The following OTUD4 variants were observed in gnomAD, a reference collection of about 807,000 sequenced individuals.
OTUD4 encodes OTU domain-containing protein 4.
Under a neutral mutation model 130.4 loss-of-function variants are expected in OTUD4, and 24 were observed. The observed-to-expected ratio is 0.18, with a 90% CI of 0.13 to 0.26. The LOEUF (loss-of-function observed/expected upper bound fraction) is 0.26, where lower values mean the gene tolerates loss of function less well. Among genes scored for constraint, OTUD4 ranks in the 10% least tolerant of loss-of-function variants. OTUD4 has a pLI of 1.00. For synonymous variants in OTUD4, 420 were observed against 472.5 expected, an observed-to-expected ratio of 0.89 and a Z score of 1.44; for missense variants, 1,031 against 1,329.4, an observed-to-expected ratio of 0.78 and a Z score of 3.49.
Position 145,141,363 on chromosome 4 carries a change from T to TG in OTUD4, c.2083+15dup. 1.9e-6 allele frequency: 3 copies of TG among 1,564,716 alleles called. No individual in the cohort carries two copies. Among genetic ancestry groups the TG allele is most frequent in the Non-Finnish European group, 2.6e-6 (3 of 1,156,018 alleles). On this transcript the variant is annotated intron_variant, in intron 19 of 20. Transcript: ENST00000447906. ...GGACTTGATAAAGTCGATTTGAACT[T>TG]GGAGAAGGAGCTCACCTTTAGGTAG...
rs747370643 is a variant in OTUD4 at position 145,179,998 on chromosome 4, G to A, written c.-25C>T. Reference sequence around the variant, plus strand: ...TGTTGCTGGTCCTGCTGCAGGCCAGGCGCGGCGAGGGCTAGCCCCACATGG... The same window carrying A: ...TGTTGCTGGTCCTGCTGCAGGCCAGACGCGGCGAGGGCTAGCCCCACATGG... On this transcript the variant is annotated 5_prime_UTR_variant, in exon 1 of 21. Transcript: ENST00000447906. 131 of 1,466,362 alleles carry A rather than the reference G, an allele frequency of 8.9e-5. No individual in the cohort carries two copies. The highest frequency in any genetic ancestry group is 3.8e-4 in the South Asian group (29 of 75,750). 90.8% of individuals were successfully genotyped at this position (1,466,362 alleles called of 1,614,324 possible).
At position 145,174,646 on chromosome 4, in the gene OTUD4, G is replaced by C. The variant is rs374606652; in HGVS notation, c.243+15C>G. On this transcript the variant is annotated intron_variant, in intron 2 of 20. Transcript: ENST00000447906. ...CAAGTCAAGACACCATTACATGTTT[G>C]AAATTACAAGTTACCGCTTCAAATT... is the stretch of plus-strand genomic sequence containing the variant. 1.4e-6 allele frequency: 2 copies of C among 1,470,256 alleles called. No homozygotes were observed. The highest frequency in any genetic ancestry group is 1.9e-6 in the Non-Finnish European group (2 of 1,049,718). The allele number at this position is 1,470,256 out of a possible 1,614,324, so 91.1% of individuals were successfully genotyped here. A position where few individuals can be genotyped will look rare whatever the true frequency, so the allele number is the denominator to read the frequency against.
intron 13 of OTUD4, among the ~76,000 whole-genome samples, chr4:145,146,710 A>G (rs547403652): frequency 1.6e-4 from 25 of 152,148 alleles, no homozygotes; most frequent in African/African-American, 6.0e-4. Context: ...AGAGGGGAAA[A>G]GAAAAAAAAA....
chr4:145,176,710 G>GT (rs1752446801), intron 1 of OTUD4, among the ~76,000 whole-genome samples: 1 of 151,656 alleles, frequency 6.6e-6, no homozygotes, highest in South Asian at 2.1e-4. Context: ...AAAAAAAAAA[G>GT]TTACAGATCC....
rs1233238482 is a variant in OTUD4, at chr4:145,137,237, G to A, written c.*193C>T. The A allele has an allele frequency of 1.7e-5, 8 of 463,798 alleles. No homozygotes were observed. The highest frequency in any genetic ancestry group is 4.0e-5 in the African/African-American group (2 of 50,542). The allele number at this position is 463,798 out of a possible 1,614,324, so 28.7% of individuals were successfully genotyped here. ...AAACAGATTCTGAATGAAGAAAACT[G>A]GCAATGCCAGGAATTAACCTGCCCC... is the stretch of plus-strand genomic sequence containing the variant. On this transcript the variant is annotated 3_prime_UTR_variant, in exon 21 of 21. Coordinates refer to ENST00000447906, the MANE Select transcript of OTUD4 (RefSeq NM_001366057.1).
chr4:145,144,829 T>G (rs962220828), intron 14 of OTUD4, among the ~76,000 whole-genome samples: 1 of 152,160 alleles, frequency 6.6e-6, no homozygotes, highest in African/African-American at 2.4e-5. Flanking sequence ...AGAACCTAAG[T>G]GCAAATTAGC....
At chr4:145,161,664 T>A (rs1407655493) in intron 6 of OTUD4, among the ~76,000 whole-genome samples, 3 of 152,152 alleles carry the variant, frequency 2.0e-5, no homozygotes, top group Non-Finnish European at 2.9e-5. Flanking sequence ...AGAGAGAGTG[T>A]GTTACTGCCA....
intron 11 of OTUD4, 92 bp downstream of exon 11, chr4:145,152,449 G>A: frequency 2.8e-6 from 2 of 709,770 alleles, no homozygotes; most frequent in South Asian, 3.6e-5. Flanking sequence ...ATCTTTCATT[G>A]AATTTGCAAA....
chr4:145,170,164 G>A (rs1355649820), intron 3 of OTUD4, among the ~76,000 whole-genome samples: 1 of 152,232 alleles, frequency 6.6e-6, no homozygotes, highest in African/African-American at 2.4e-5. Flanking sequence ...TGGAATAGGG[G>A]CCAGGGAATC....
At chr4:145,161,919 A>G (rs958380959) in intron 6 of OTUD4, among the ~76,000 whole-genome samples, 23 of 152,242 alleles carry the variant, frequency 1.5e-4, no homozygotes, top group African/African-American at 5.5e-4. Context: ...GTTGGTATTT[A>G]CAAGTCAAAC....
chr4:145,147,192 CTT>C, intron 13 of OTUD4, among the ~76,000 whole-genome samples: 1 of 152,130 alleles, frequency 6.6e-6, no homozygotes, highest in Admixed American at 6.5e-5. Flanking sequence ...AAAAAAAATA[CTT>C]TGTCACAGTA....
rs1035193472 is a variant in OTUD4, at chr4:145,134,453, A to T, written c.*2977T>A. 2.2e-5 allele frequency: 8 copies of T among 366,540 alleles called. No homozygotes were observed. The Admixed American group carries it at 3.2e-4, about 15-fold the overall frequency. The allele number at this position is 366,540 out of a possible 1,614,324, so 22.7% of individuals were successfully genotyped here. A position where few individuals can be genotyped will look rare whatever the true frequency, so the allele number is the denominator to read the frequency against. On this transcript the variant is annotated 3_prime_UTR_variant, in exon 21 of 21. Coordinates refer to ENST00000447906, the MANE Select transcript of OTUD4 (RefSeq NM_001366057.1). Reference sequence around the variant, plus strand: ...GATGGCTGAATGTTTTCTAAACCAGAAATGGTTAGAAAGGAACTTTATTGC... The same window carrying T: ...GATGGCTGAATGTTTTCTAAACCAGTAATGGTTAGAAAGGAACTTTATTGC...
chr4:145,148,802 T>C (rs973566999), intron 13 of OTUD4, among the ~76,000 whole-genome samples: 1 of 152,196 alleles, frequency 6.6e-6, no homozygotes, highest in Admixed American at 6.5e-5. Context: ...TTACTTTATA[T>C]TTTTAGGTTT....
At chr4:145,178,561 C>T (rs959047759) in intron 1 of OTUD4, 3 of 140,088 alleles carry the variant, frequency 2.1e-5, no homozygotes, top group African/African-American at 5.8e-5. Flanking sequence ...GAACATACCC[C>T]ACAGCAACAC....
chr4:145,169,739 C>T (rs979060679), intron 3 of OTUD4, among the ~76,000 whole-genome samples: 11 of 151,994 alleles, frequency 7.2e-5, no homozygotes, highest in African/African-American at 1.9e-4. Flanking sequence ...CCTATAGTAC[C>T]GGGATTACAG....
chr4:145,154,201 CTCTT>C (rs1430664275), intron 10 of OTUD4, among the ~76,000 whole-genome samples: 1 of 152,186 alleles, frequency 6.6e-6, no homozygotes, highest in African/African-American at 2.4e-5. Flanking sequence ...CTCATTTGTT[CTCTT>C]TCAAGTTTTC....
chr4:145,164,285 A>ATCAT lies in OTUD4; in HGVS notation c.342-63_342-60dup, dbSNP rs768648819. On this transcript the variant is annotated intron_variant, in intron 4 of 20. Coordinates refer to ENST00000447906, the MANE Select transcript of OTUD4 (RefSeq NM_001366057.1). ...ACTATACTTCATGAATTTGAATTTA[A>ATCAT]TCATTCATTCATTCATCAAGGGCCT... 778 of 823,158 alleles carry ATCAT rather than the reference A, an allele frequency of 9.5e-4. 2 individuals carry two copies. The highest frequency in any genetic ancestry group is 5.0e-3 in the Middle Eastern group (15 of 2,988). 51.0% of individuals were successfully genotyped at this position (823,158 alleles called of 1,614,324 possible).
chr4:145,137,311 G>A lies in OTUD4; in HGVS notation c.*119C>T. 1 of 804,354 alleles carries A rather than the reference G, an allele frequency of 1.2e-6. No homozygotes were observed. The highest frequency in any genetic ancestry group is 2.0e-6 in the Non-Finnish European group (1 of 498,380). 49.8% of individuals were successfully genotyped at this position (804,354 alleles called of 1,614,324 possible). A position where few individuals can be genotyped will look rare whatever the true frequency, so the allele number is the denominator to read the frequency against. On this transcript the variant is annotated 3_prime_UTR_variant, in exon 21 of 21. Transcript: ENST00000447906. ...TTGTCCAGTATGGGAGTGAAGGTAA[G>A]GGGGGCTGGGGAGAGGAAAGAGTTC...
rs1394215366 is a variant in OTUD4 at position 145,155,398 on chromosome 4, A to AT, written c.873+12dup. 6 of 1,601,612 alleles carry AT rather than the reference A, an allele frequency of 3.7e-6. No individual in the cohort carries two copies. Among genetic ancestry groups the AT allele is most frequent in the East Asian group, 4.5e-5 (2 of 44,768 alleles). ...CAAGTAAAATCTCTTCTTCTTTTAC[A>AT]TAAGTCACTTACTTGACATTTGTCT... is the stretch of plus-strand genomic sequence containing the variant. On this transcript the variant is annotated intron_variant, in intron 10 of 20. Transcript: ENST00000447906.
Sources: allele counts gnomAD v4.1 joint callset (sites outside exome capture counted in the v4.1 genomes callset), GRCh38; gene constraint gnomAD v4.1.1; transcripts MANE v1.5; gene names NCBI Gene and HGNC (gene_info 2026-07-23, HGNC 2026-07-21).